Variants in ARHGAP22 observed in about 807,000 individuals in gnomAD.
ARHGAP22 encodes Rho GTPase activating protein 22.
A neutral mutation model predicts 59.1 loss-of-function variants in ARHGAP22; 48 were observed. That is an observed-to-expected ratio of 0.81 (90% CI 0.64 to 1.03). ARHGAP22 has a LOEUF of 1.03. ARHGAP22 is among the 50% of genes least tolerant of loss of function. ARHGAP22 has a pLI of 0.00. For missense variants in ARHGAP22, 1,015 were observed against 958.7 expected (o/e 1.06, Z -0.78); for synonymous variants, 445 against 416.4 (o/e 1.07, Z -0.84).
intron 3 of ARHGAP22, among the ~76,000 whole-genome samples, chr10:48,542,607 T>C (rs559160670): frequency 7.2e-5 from 11 of 152,216 alleles, no homozygotes; most frequent in African/African-American, 2.6e-4. Flanking sequence ...ATTGCTGTCT[T>C]CCCCTCATGC....
chr10:48,484,771 T>C (rs2049689901), intron 3 of ARHGAP22, among the ~76,000 whole-genome samples: 2 of 152,244 alleles, frequency 1.3e-5, no homozygotes, highest in Non-Finnish European at 2.9e-5. Flanking sequence ...AATGTTCCTT[T>C]ATTATCCTTT....
At chr10:48,434,811 A>T in the ARHGAP22 span, 1 of 1,342,998 alleles carries the variant, frequency 7.4e-7, no homozygotes. Flanking sequence ...CACTGGAGGC[A>T]GTCAGTGCAG....
At position 48,446,345 on chromosome 10, in the gene ARHGAP22, C is replaced by T; in HGVS notation, c.*46G>A. On this transcript the variant is annotated 3_prime_UTR_variant, in exon 10 of 10. Coordinates refer to ENST00000249601, the MANE Select transcript of ARHGAP22 (RefSeq NM_021226.4). ...CAGACGCTTCTAACTCCATACAAGG[C>T]TGGAGACCAGCAGACGTGGTACAGA... 2.5e-6 allele frequency: 4 copies of T among 1,602,270 alleles called. No individual in the cohort carries two copies. The highest frequency in any genetic ancestry group is 3.4e-6 in the Non-Finnish European group (4 of 1,170,868).
At position 48,583,135 on chromosome 10, in the gene ARHGAP22, C is replaced by T. The variant is rs578160763; in HGVS notation, c.52G>A (p.Val18Met). The change falls in exon 2 of 10, where the codon GTG (valine) becomes ATG (methionine). Residue 18 changes from valine (V) to methionine (M), a missense_variant. Physicochemically the swap from Val to Met is conservative, Grantham distance 21. Transcript: ENST00000249601. ...GGGCTCCGGCTCTGCTCCCCCATCA[C>T]TAGGCTTTTGGAGCGGGCTGAAAGC... is the stretch of plus-strand genomic sequence containing the variant. Reference protein sequence around the residue: ...QARRARSKSLVMGEQSRSPGR... With the variant: ...QARRARSKSLMMGEQSRSPGR... 6.2e-7 allele frequency: 1 copy of T among 1,614,136 alleles called. No individual in the cohort carries two copies. The highest frequency in any genetic ancestry group is 1.7e-5 in the Admixed American group (1 of 60,016).
chr10:48,615,879 G>A (rs2135998185), intron 1 of ARHGAP22, among the ~76,000 whole-genome samples: 1 of 151,660 alleles, frequency 6.6e-6, no homozygotes. Flanking sequence ...AGACTCAAGA[G>A]CAGATCTGAG....
chr10:48,433,079 G>T, the ARHGAP22 span, among the ~76,000 whole-genome samples: 1 of 152,150 alleles, frequency 6.6e-6, no homozygotes. Flanking sequence ...TACCTGCCTT[G>T]AGTGTATAGA....
downstream of ARHGAP22, chr10:48,444,665 C>G (rs2045282999): frequency 6.6e-6 from 1 of 151,708 alleles, no homozygotes; most frequent in Non-Finnish European, 1.5e-5. Flanking sequence ...GGCATTTTCT[C>G]TCCAGGTCAA....
chr10:48,654,196 T>G (rs961713673), upstream of ARHGAP22, among the ~76,000 whole-genome samples: 3 of 151,586 alleles, frequency 2.0e-5, no homozygotes, highest in African/African-American at 7.3e-5. Context: ...CAAGTCTGGG[T>G]TTTTTTTTCC....
At chr10:48,524,276 G>A (rs1405320103) in intron 3 of ARHGAP22, 10 of 201,308 alleles carry the variant, frequency 5.0e-5, no homozygotes, top group Non-Finnish European at 8.0e-5. Flanking sequence ...CCCGCGCAGC[G>A]GGCATGCCGG....
intron 1 of ARHGAP22, among the ~76,000 whole-genome samples, chr10:48,650,235 T>C (rs998079696): frequency 6.8e-6 from 1 of 146,386 alleles, no homozygotes; most frequent in Non-Finnish European, 1.5e-5. Context: ...TGAGATTAGG[T>C]AATCATTTAC....
upstream of ARHGAP22, among the ~76,000 whole-genome samples, chr10:48,655,263 G>T (rs56184226): frequency 1.6e-5 from 2 of 124,084 alleles, no homozygotes; most frequent in African/African-American, 3.2e-5. Flanking sequence ...GTGTGGGGGG[G>T]GGGGGGGGCG....
At chr10:48,492,128 T>TA (rs2050461065) in intron 3 of ARHGAP22, among the ~76,000 whole-genome samples, 1 of 152,100 alleles carries the variant, frequency 6.6e-6, no homozygotes, top group African/African-American at 2.4e-5. Context: ...GAAAAAAGGG[T>TA]AACTGATATG....
intron 3 of ARHGAP22, among the ~76,000 whole-genome samples, chr10:48,504,043 C>T (rs955954612): frequency 1.3e-5 from 2 of 152,080 alleles, no homozygotes; most frequent in African/African-American, 2.4e-5. Context: ...GGGAGAAGTG[C>T]GGGATGGGGA....
intron 5 of ARHGAP22, among the ~76,000 whole-genome samples, chr10:48,457,663 C>T (rs1157171273): frequency 6.6e-6 from 1 of 152,196 alleles, no homozygotes; most frequent in Non-Finnish European, 1.5e-5. Context: ...GGACACTGTG[C>T]TGGGAAGGGG....
chr10:48,515,896 C>T (rs11101359), intron 3 of ARHGAP22, among the ~76,000 whole-genome samples: 50,764 of 151,838 alleles, frequency 0.33, 10,081 homozygotes, highest in Middle Eastern at 0.54. Flanking sequence ...GACGTGTAGT[C>T]CCAACCATTC....
chr10:48,558,220 G>A (rs1413448331), intron 2 of ARHGAP22, among the ~76,000 whole-genome samples: 2 of 152,206 alleles, frequency 1.3e-5, no homozygotes, highest in Non-Finnish European at 2.9e-5. Context: ...GTAACCTCCA[G>A]AGCTTAAGAC....
intron 2 of ARHGAP22, among the ~76,000 whole-genome samples, chr10:48,570,986 C>T (rs1243927420): frequency 2.0e-5 from 3 of 152,214 alleles, no homozygotes; most frequent in Non-Finnish European, 1.5e-5. Context: ...GTTTTTGACT[C>T]ATCTAGGGTG....
At chr10:48,525,157 A>G (rs1428369417) in intron 3 of ARHGAP22, among the ~76,000 whole-genome samples, 4 of 152,314 alleles carry the variant, frequency 2.6e-5, no homozygotes, top group African/African-American at 9.6e-5. Context: ...GAGCAAGCTC[A>G]TTTCTTAGTA....
chr10:48,483,186 C>A (rs1022564150), intron 3 of ARHGAP22, among the ~76,000 whole-genome samples: 3 of 152,072 alleles, frequency 2.0e-5, no homozygotes, highest in Non-Finnish European at 4.4e-5. Context: ...CTGATGGACA[C>A]GTAGGTTGAT....
Sources: gnomAD v4.1 joint callset for allele counts (sites outside exome capture counted in the v4.1 genomes callset) on GRCh38, gnomAD v4.1.1 for gene constraint, MANE v1.5 for transcripts, NCBI Gene and HGNC (gene_info 2026-07-23, HGNC 2026-07-21) for gene names.